Variants in GPR158 observed in about 807,000 individuals in gnomAD.
GPR158 encodes G protein-coupled receptor 158, also known as metabotropic glycine receptor.
In GPR158, 30 loss-of-function variants were observed where a neutral mutation model predicts 78.2. The observed-to-expected ratio is 0.38, with a 90% confidence interval of 0.29 to 0.52. The LOEUF (loss-of-function observed/expected upper bound fraction) is 0.52, where lower values mean the gene tolerates loss of function less well. Ranked by LOEUF, GPR158 falls within the 20% of genes least tolerant of loss-of-function variation. The pLI is 0.83. For missense variants in GPR158, 1,463 were observed against 1,523.5 expected, an observed-to-expected ratio of 0.96 and a Z score of 0.66; for synonymous variants, 581 against 591.1, an observed-to-expected ratio of 0.98 and a Z score of 0.25.
chr10:25,332,927 T>C (rs1855146881), intron 2 of GPR158, among the ~76,000 whole-genome samples: 1 of 152,164 alleles, frequency 6.6e-6, no homozygotes, highest in African/African-American at 2.4e-5. Context: ...AAAGATGTCT[T>C]AGAGCAGCAG....
chr10:25,282,815 A>G (rs1294480004), intron 2 of GPR158, among the ~76,000 whole-genome samples: 1 of 151,936 alleles, frequency 6.6e-6, no homozygotes, highest in Admixed American at 6.6e-5. Flanking sequence ...TCATTTTTCA[A>G]TTGTATTGTT....
At chr10:25,253,856 T>A (rs1161960449) in intron 2 of GPR158, among the ~76,000 whole-genome samples, 5 of 152,182 alleles carry the variant, frequency 3.3e-5, no homozygotes, top group African/African-American at 1.2e-4. Context: ...AACCAAATAT[T>A]GTCCACTGCT....
At position 25,317,716 on chromosome 10, in the gene GPR158, G is replaced by GTTTTGTTTTTTTTTTTTTTT. The variant is rs1554793351; in HGVS notation, c.1009-78191_1009-78190insGTTTTTTTTTTTTTTTTTTT. Among the ~76,000 whole-genome samples, 3 of 134,060 alleles carry GTTTTGTTTTTTTTTTTTTTT rather than the reference G, an allele frequency of 2.2e-5. 1 individual carries two copies. The highest frequency in any genetic ancestry group is 9.6e-5 in the African/African-American group (3 of 31,192). The allele number at this position is 134,060 out of a possible 152,430, so 87.9% of individuals were successfully genotyped here. On this transcript the variant is annotated intron_variant, in intron 2 of 10. Coordinates refer to ENST00000376351, the MANE Select transcript of GPR158 (RefSeq NM_020752.3). ...TTAAATTCTGTTTTCTTCGTAAAGTGTTTTTTTTTGTTTTGTTTTGTTTTG... is the reference window on the plus strand; with the variant it reads ...TTAAATTCTGTTTTCTTCGTAAAGTGTTTTGTTTTTTTTTTTTTTTTTTTTTTTTGTTTTGTTTTGTTTTG...
intron 6 of GPR158, among the ~76,000 whole-genome samples, 198 bp from the exon 7 acceptor site, chr10:25,572,451 T>C (rs935264807): frequency 6.6e-5 from 10 of 152,176 alleles, no homozygotes; most frequent in Admixed American, 6.6e-4. Context: ...ATGATTGTGC[T>C]TGTGAATAGC....
chr10:25,446,107 C>T (rs1355049381), intron 4 of GPR158, among the ~76,000 whole-genome samples: 2 of 152,076 alleles, frequency 1.3e-5, no homozygotes, highest in African/African-American at 4.8e-5. Context: ...AAAATTTCAG[C>T]TAAGGGGTGT....
chr10:25,523,103 G>A (rs1335690109), intron 5 of GPR158, among the ~76,000 whole-genome samples: 1 of 152,198 alleles, frequency 6.6e-6, no homozygotes, highest in Non-Finnish European at 1.5e-5. Context: ...AGGCTGAACT[G>A]AAGAAAGTGC....
intron 5 of GPR158, among the ~76,000 whole-genome samples, chr10:25,527,335 A>G (rs988916809): frequency 3.3e-5 from 5 of 152,238 alleles, no homozygotes; most frequent in African/African-American, 9.6e-5. Flanking sequence ...CAAGATAACC[A>G]TATGGTATAC....
In GPR158 at chr10:25,317,716, G is replaced by GTTT. The variant is rs756759445; in HGVS notation, c.1009-78188_1009-78186dup. Reference sequence around the variant, plus strand: ...TTAAATTCTGTTTTCTTCGTAAAGTGTTTTTTTTTGTTTTGTTTTGTTTTG... The same window carrying GTTT: ...TTAAATTCTGTTTTCTTCGTAAAGTGTTTTTTTTTTTTGTTTTGTTTTGTTTTG... On this transcript the variant is annotated intron_variant, in intron 2 of 10. Coordinates refer to ENST00000376351, the MANE Select transcript of GPR158 (RefSeq NM_020752.3). Among the ~76,000 whole-genome samples, 100 of 134,020 alleles carry GTTT rather than the reference G, an allele frequency of 7.5e-4. 5 individuals carry two copies. Among genetic ancestry groups the GTTT allele is most frequent in the African/African-American group, 2.6e-3 (82 of 31,206 alleles). 87.9% of individuals were successfully genotyped at this position (134,020 alleles called of 152,430 possible).
intron 2 of GPR158, among the ~76,000 whole-genome samples, chr10:25,268,666 T>C (rs1043957605): frequency 6.6e-6 from 1 of 152,140 alleles, no homozygotes; most frequent in African/African-American, 2.4e-5. Context: ...GAAAATAGTT[T>C]CTATTTTTGT....
At chr10:25,527,070 C>A (rs765458995) in intron 5 of GPR158, among the ~76,000 whole-genome samples, 4 of 151,566 alleles carry the variant, frequency 2.6e-5, no homozygotes, top group Non-Finnish European at 5.9e-5. Flanking sequence ...GATGATAAAA[C>A]TCAATTCATC....
intron 5 of GPR158, among the ~76,000 whole-genome samples, chr10:25,467,543 G>C (rs190465279): frequency 1.3e-5 from 2 of 152,306 alleles, no homozygotes; most frequent in African/African-American, 4.8e-5. Context: ...TGTTACGCCA[G>C]AGTCAGATTG....
intron 2 of GPR158, among the ~76,000 whole-genome samples, chr10:25,287,615 A>G (rs1244667538): frequency 1.3e-5 from 2 of 151,980 alleles, no homozygotes; most frequent in African/African-American, 4.8e-5. Context: ...TTTAACCTTT[A>G]CCAATTTACT....
At chr10:25,534,896 T>C (rs66972971) in intron 5 of GPR158, among the ~76,000 whole-genome samples, 2 of 50,310 alleles carry the variant, frequency 4.0e-5, no homozygotes, top group Non-Finnish European at 9.3e-5. Flanking sequence ...CAGCAGTTCT[T>C]AGTCATGAGC....
intron 2 of GPR158, among the ~76,000 whole-genome samples, chr10:25,287,121 G>A (rs1176111466): frequency 6.6e-6 from 1 of 151,912 alleles, no homozygotes; most frequent in Non-Finnish European, 1.5e-5. Context: ...GTGCTCCTAC[G>A]CCACTCCTAG....
At chr10:25,293,720 T>C (rs1408616959) in intron 2 of GPR158, among the ~76,000 whole-genome samples, 1 of 149,630 alleles carries the variant, frequency 6.7e-6, no homozygotes, top group Non-Finnish European at 1.5e-5. Context: ...GTTTGGGTAT[T>C]TTAATAAAGT....
intron 2 of GPR158, among the ~76,000 whole-genome samples, chr10:25,392,923 G>T (rs1407855075): frequency 6.6e-6 from 1 of 152,190 alleles, no homozygotes; most frequent in Non-Finnish European, 1.5e-5. Flanking sequence ...TGGAGGTGGA[G>T]TCAGTACAGC....
chr10:25,347,236 T>C (rs1384629430), intron 2 of GPR158, among the ~76,000 whole-genome samples: 3 of 151,970 alleles, frequency 2.0e-5, no homozygotes, highest in Non-Finnish European at 4.4e-5. Context: ...CTGTATTCTC[T>C]GGCTCATGTC....
At chr10:25,446,783 A>G (rs1835142768) in intron 4 of GPR158, among the ~76,000 whole-genome samples, 1 of 152,240 alleles carries the variant, frequency 6.6e-6, no homozygotes, top group South Asian at 2.1e-4. Flanking sequence ...AGATTCTGAT[A>G]TGAATTGATC....
At chr10:25,468,911 G>T (rs912101645) in intron 5 of GPR158, among the ~76,000 whole-genome samples, 2 of 152,174 alleles carry the variant, frequency 1.3e-5, no homozygotes, top group Non-Finnish European at 2.9e-5. Flanking sequence ...CACTAAGAAA[G>T]CAGTAAAGAC....
Sources: gnomAD v4.1 joint callset for allele counts (sites outside exome capture counted in the v4.1 genomes callset) on GRCh38, gnomAD v4.1.1 for gene constraint, MANE v1.5 for transcripts, NCBI Gene and HGNC (gene_info 2026-07-23, HGNC 2026-07-21) for gene names.